The following FUBP3 variants were observed in gnomAD, a reference collection of about 807,000 sequenced individuals.
FUBP3 encodes the protein far upstream element binding protein 3.
FUBP3 carries 28 observed loss-of-function variants against 85.6 expected under a neutral mutation model. The ratio of observed to expected loss-of-function variants is 0.33; its 90% CI spans 0.24 to 0.45. The LOEUF (loss-of-function observed/expected upper bound fraction) is 0.45. Among genes scored for constraint, FUBP3 ranks in the 20% least tolerant of loss-of-function variants. FUBP3 has a pLI of 1.00. For synonymous variants in FUBP3, 271 were observed against 271.4 expected (o/e 1.00, Z 0.01); for missense variants, 583 against 755.1 (o/e 0.77, Z 2.67).
intron 2 of FUBP3, among the ~76,000 whole-genome samples, chr9:130,598,854 G>A (rs1830994120): frequency 6.6e-6 from 1 of 152,118 alleles, no homozygotes; most frequent in South Asian, 2.1e-4. Flanking sequence ...AAAAACAGTG[G>A]CCATCTCCTC....
rs1445922005 is a variant in FUBP3 at position 130,635,072 on chromosome 9, C to T, written c.1582+334C>T. ...GGTCTCCTTAGGGACTGAAAGATTC[C>T]GGCTGGGTGCCACCTGGCCGGCAAA... On this transcript the variant is annotated intron_variant, in intron 17 of 18. Coordinates refer to ENST00000319725, the MANE Select transcript of FUBP3 (RefSeq NM_003934.2). This position sits in a 1 kb window ranked among gnomAD's most constrained non-coding sequence, Gnocchi z 4.3. Among the ~76,000 whole-genome samples the T allele has an allele frequency of 1.3e-5, 2 of 152,112 alleles. No homozygotes were observed. Among genetic ancestry groups the T allele is most frequent in the Admixed American group, 6.6e-5 (1 of 15,266 alleles).
intron 9 of FUBP3, 110 bp downstream of exon 9, chr9:130,620,568 A>G (rs942609845): frequency 1.5e-5 from 8 of 535,670 alleles, no homozygotes; most frequent in Non-Finnish European, 2.6e-5. Flanking sequence ...TTGTCTCAAA[A>G]CCTTAAGAAT....
intron 7 of FUBP3, 85 bp from the exon 8 acceptor site, chr9:130,617,712 G>A (rs1376163481): frequency 2.3e-6 from 2 of 865,558 alleles, no homozygotes; most frequent in Admixed American, 1.7e-5. Flanking sequence ...GCTTATTGTG[G>A]GTGTGACTGG....
chr9:130,588,566 A>G (rs1209692339), intron 1 of FUBP3, among the ~76,000 whole-genome samples: 1 of 152,134 alleles, frequency 6.6e-6, no homozygotes. Flanking sequence ...CTTACTGTGC[A>G]CCCGGCATTG....
In FUBP3 at chr9:130,635,536, A is replaced by G. The variant is rs190183099; in HGVS notation, c.1583-463A>G. The stretch of plus-strand genomic sequence containing the variant: ...GAGGTGGGGGTGTTGAGTCATGGTC[A>G]CCAGAGTGCTGTAAGCTCAGCTGCC... On this transcript the variant is annotated intron_variant, in intron 17 of 18. Transcript: ENST00000319725. This position sits in a 1 kb window ranked among gnomAD's most constrained non-coding sequence, Gnocchi z 4.3. 1.6e-3 allele frequency among the ~76,000 whole-genome samples: 241 copies of G among 152,170 alleles called. No individual in the cohort carries two copies. Among genetic ancestry groups the G allele is most frequent in the Admixed American group, 3.7e-3 (56 of 15,284 alleles).
chr9:130,580,198 G>A (rs966381094), intron 1 of FUBP3, among the ~76,000 whole-genome samples: 1 of 152,222 alleles, frequency 6.6e-6, no homozygotes, highest in Non-Finnish European at 1.5e-5. Flanking sequence ...ACTTTCTGTT[G>A]AGTAGAAGGA....
At chr9:130,593,421 C>T (rs140968594) in intron 1 of FUBP3, among the ~76,000 whole-genome samples, 4 of 152,162 alleles carry the variant, frequency 2.6e-5, no homozygotes, top group Admixed American at 6.5e-5. Flanking sequence ...TTTTACAACC[C>T]TAGTATTTGT....
chr9:130,633,339 C>T (rs1830290630), intron 16 of FUBP3, among the ~76,000 whole-genome samples: 1 of 152,252 alleles, frequency 6.6e-6, no homozygotes. Flanking sequence ...TCCCCTTTCC[C>T]TCTGCTCGCT....
chr9:130,624,379 T>G (rs1396700033), intron 11 of FUBP3, among the ~76,000 whole-genome samples: 1 of 152,208 alleles, frequency 6.6e-6, no homozygotes, highest in East Asian at 1.9e-4. Flanking sequence ...CTGGTGGTTC[T>G]TACTCAAATT....
intron 7 of FUBP3, 43 bp from the exon 8 acceptor site, chr9:130,617,754 C>T (rs377314609): frequency 2.2e-4 from 259 of 1,179,734 alleles, no homozygotes; most frequent in Non-Finnish European, 3.1e-4. Flanking sequence ...CATTTCATGC[C>T]CTGCATTATT....
At position 130,579,777 on chromosome 9, in the gene FUBP3, C is replaced by A. The variant is rs780157417; in HGVS notation, c.84+13C>A. 3 of 1,267,602 alleles carry A rather than the reference C, an allele frequency of 2.4e-6. No homozygotes were observed. The highest frequency in any genetic ancestry group is 3.6e-5 in the Admixed American group (1 of 27,956). The allele number at this position is 1,267,602 out of a possible 1,614,324, so 78.5% of individuals were successfully genotyped here. On this transcript the variant is annotated intron_variant, in intron 1 of 18. Coordinates refer to ENST00000319725, the MANE Select transcript of FUBP3 (RefSeq NM_003934.2). ...CCGGGTCCGGCAGGTACGGGCGCAGCCGGCTGGCAGGAGCACGAGATCCCG... is the reference window on the plus strand; with the variant it reads ...CCGGGTCCGGCAGGTACGGGCGCAGACGGCTGGCAGGAGCACGAGATCCCG...
chr9:130,624,017 T>G (rs796282663), intron 11 of FUBP3, among the ~76,000 whole-genome samples: 1 of 150,920 alleles, frequency 6.6e-6, no homozygotes, highest in African/African-American at 2.5e-5. Flanking sequence ...TCAAGTGTAT[T>G]TAATGTTAAT....
In FUBP3 at chr9:130,635,043, G is replaced by C. The variant is rs1217995867; in HGVS notation, c.1582+305G>C. Among the ~76,000 whole-genome samples the C allele has an allele frequency of 6.6e-6, 1 of 152,136 alleles. No homozygotes were observed. The highest frequency in any genetic ancestry group is 1.5e-5 in the Non-Finnish European group (1 of 68,024). ...ACCTGGAAGTGTGGGCTCAGCTGGC[G>C]TCTGGTCTCCTTAGGGACTGAAAGA... On this transcript the variant is annotated intron_variant, in intron 17 of 18. Transcript: ENST00000319725. The surrounding 1 kb of genome is among the most constrained non-coding windows in gnomAD (Gnocchi z 4.3).
intron 1 of FUBP3, among the ~76,000 whole-genome samples, chr9:130,584,585 C>T (rs572790681): frequency 7.3e-5 from 11 of 150,498 alleles, no homozygotes; most frequent in Admixed American, 1.3e-4. Flanking sequence ...AGCAAGATTT[C>T]GGGCTGGGCA....
chr9:130,584,026 G>GCC (rs993297848), intron 1 of FUBP3, among the ~76,000 whole-genome samples: 2 of 152,044 alleles, frequency 1.3e-5, no homozygotes, highest in Admixed American at 1.3e-4. Context: ...GAGGCACCGT[G>GCC]CCCCCATGCC....
chr9:130,630,405 G>C (rs923209711), intron 12 of FUBP3, among the ~76,000 whole-genome samples: 12 of 152,252 alleles, frequency 7.9e-5, no homozygotes, highest in African/African-American at 2.9e-4. Flanking sequence ...TTGGCCTTGA[G>C]AGAAAGTCCA....
intron 2 of FUBP3, among the ~76,000 whole-genome samples, chr9:130,601,219 C>T (rs1330603398): frequency 1.3e-5 from 2 of 152,136 alleles, no homozygotes; most frequent in African/African-American, 2.4e-5. Flanking sequence ...AGTACCCCTC[C>T]CCCAGTTTCT....
chr9:130,602,099 C>A (rs954142141), intron 2 of FUBP3, among the ~76,000 whole-genome samples: 1 of 152,170 alleles, frequency 6.6e-6, no homozygotes, highest in African/African-American at 2.4e-5. Context: ...CGCACCCAGC[C>A]AATTCCTAAT....
intron 1 of FUBP3, among the ~76,000 whole-genome samples, chr9:130,592,049 T>C (rs1830648611): frequency 6.6e-6 from 1 of 152,094 alleles, no homozygotes; most frequent in African/African-American, 2.4e-5. Context: ...CTGCCCAACA[T>C]GGTGAAACTC....
Sources: allele counts gnomAD v4.1 joint callset (sites outside exome capture counted in the v4.1 genomes callset), GRCh38; gene constraint gnomAD v4.1.1; non-coding constraint Gnocchi (gnomAD v3.1); transcripts MANE v1.5; gene names NCBI Gene and HGNC (gene_info 2026-07-23, HGNC 2026-07-21).